Variants in VAV2 observed in about 807,000 individuals in gnomAD.
VAV2 encodes the protein guanine nucleotide exchange factor VAV2.
VAV2 carries 67 observed loss-of-function variants against 132.5 expected under a neutral mutation model. The observed-to-expected ratio is 0.51, with a 90% CI of 0.42 to 0.62. VAV2 has a LOEUF of 0.62. Among genes scored for constraint, VAV2 ranks in the 20% least tolerant of loss-of-function variants. The probability of loss-of-function intolerance (pLI) is 0.00; values close to 1 mark genes in which losing one functional copy is unlikely to be tolerated. For missense variants in VAV2, 938 were observed against 1,153.6 expected (o/e 0.81, Z 2.71); for synonymous variants, 492 against 443.5 (o/e 1.11, Z -1.37).
Position 133,918,798 on chromosome 9 carries a change from CAG to C in VAV2, c.321+20303_321+20304del, listed in dbSNP as rs1235963649. Among the ~76,000 whole-genome samples the C allele has an allele frequency of 3.9e-5, 6 of 151,974 alleles. No individual in the cohort carries two copies. Among genetic ancestry groups the C allele is most frequent in the Admixed American group, 6.6e-5 (1 of 15,244 alleles). ...GTTTGTTTGTTTGTTTGTTTTGAGA[CAG>C]AGTCTTGTTCTGTCGCCCAGGCTGA... is the stretch of plus-strand genomic sequence containing the variant. On this transcript the variant is annotated intron_variant, in intron 2 of 29. Transcript: ENST00000371850. This position sits in a 1 kb window ranked among gnomAD's most constrained non-coding sequence, Gnocchi z 4.7.
chr9:133,772,807 CGCCACGG>C (rs1833677031), intron 25 of VAV2, among the ~76,000 whole-genome samples: 3 of 152,086 alleles, frequency 2.0e-5, no homozygotes, highest in African/African-American at 7.3e-5. Flanking sequence ...ACTGTACGAA[CGCCACGG>C]AGTGCATTTA....
chr9:133,893,167 C>T (rs545194670), intron 2 of VAV2, among the ~76,000 whole-genome samples: 1 of 152,344 alleles, frequency 6.6e-6, no homozygotes, highest in South Asian at 2.1e-4. Flanking sequence ...GCGAAGACTC[C>T]TCTTGCCACC....
At position 133,826,395 on chromosome 9, in the gene VAV2, C is replaced by G. The variant is rs1835988813; in HGVS notation, c.449+7877G>C. 6.6e-6 allele frequency among the ~76,000 whole-genome samples: 1 copy of G among 152,354 alleles called. No individual in the cohort carries two copies. Among genetic ancestry groups the G allele is most frequent in the African/African-American group, 2.4e-5 (1 of 41,578 alleles). On this transcript the variant is annotated intron_variant, in intron 4 of 29. Coordinates refer to ENST00000371850, the MANE Select transcript of VAV2 (RefSeq NM_001134398.2). The surrounding 1 kb of genome is among the most constrained non-coding windows in gnomAD (Gnocchi z 4.2). ...AGGGGCAGCTCTCCCTTCAAGGATG[C>G]TCCTGCTCAGATGCTCTCTGGGGAG... is the stretch of plus-strand genomic sequence containing the variant.
intron 3 of VAV2, among the ~76,000 whole-genome samples, chr9:133,838,073 C>T (rs1257546185): frequency 6.6e-6 from 1 of 152,086 alleles, no homozygotes; most frequent in Non-Finnish European, 1.5e-5. Context: ...GCCGCTGGCG[C>T]AGGAATATGC....
At chr9:133,948,485 G>A (rs868302156) in intron 1 of VAV2, among the ~76,000 whole-genome samples, 13 of 152,266 alleles carry the variant, frequency 8.5e-5, no homozygotes, top group Admixed American at 2.0e-4. Flanking sequence ...AGGGGCAGGC[G>A]ACTGGCAGAG....
intron 3 of VAV2, among the ~76,000 whole-genome samples, chr9:133,845,625 G>T (rs1344141103): frequency 6.6e-6 from 1 of 152,218 alleles, no homozygotes; most frequent in Non-Finnish European, 1.5e-5. Context: ...TCCCTAGTGT[G>T]ACGGGGCCTC....
chr9:133,806,004 C>T, intron 9 of VAV2, 77 bp downstream of exon 9: 1 of 1,477,460 alleles, frequency 6.8e-7, no homozygotes, highest in East Asian at 2.4e-5. Context: ...GTCCCACTTA[C>T]ACAAGAGTTC....
chr9:133,881,247 G>A (rs936068283), intron 2 of VAV2, among the ~76,000 whole-genome samples: 4 of 152,276 alleles, frequency 2.6e-5, no homozygotes, highest in Non-Finnish European at 5.9e-5. Flanking sequence ...AGAGAGATGC[G>A]GCCTTCCCGC....
rs779708549 is a variant in VAV2, at chr9:133,961,019, C to T, written c.205-21800G>A. On this transcript the variant is annotated intron_variant, in intron 1 of 29. Transcript: ENST00000371850. This position sits in a 1 kb window ranked among gnomAD's most constrained non-coding sequence, Gnocchi z 4.1. ...ACAGGTCTGCCGCCTTGCAATGCGA[C>T]GCCTGCCTGGGAGCGCAGGTGAGGG... 4.6e-5 allele frequency among the ~76,000 whole-genome samples: 7 copies of T among 152,216 alleles called. No individual in the cohort carries two copies. Among genetic ancestry groups the T allele is most frequent in the South Asian group, 2.1e-4 (1 of 4,830 alleles).
At chr9:133,927,466 G>A (rs1442002212) in intron 2 of VAV2, among the ~76,000 whole-genome samples, 2 of 152,196 alleles carry the variant, frequency 1.3e-5, no homozygotes, top group Non-Finnish European at 2.9e-5. Flanking sequence ...GATTCCACGG[G>A]GCAGTCTTTT....
At chr9:133,869,214 C>CT (rs1301300336) in intron 2 of VAV2, among the ~76,000 whole-genome samples, 2 of 152,094 alleles carry the variant, frequency 1.3e-5, no homozygotes, top group African/African-American at 4.8e-5. Flanking sequence ...CCAGGCTAGT[C>CT]TAACCTCAGG....
At chr9:133,829,641 T>A (rs569512754) in intron 4 of VAV2, among the ~76,000 whole-genome samples, 16 of 150,768 alleles carry the variant, frequency 1.1e-4, no homozygotes, top group Non-Finnish European at 1.0e-4. Flanking sequence ...TAACATACAT[T>A]TTTTTTTTTA....
In VAV2 at chr9:133,857,392, G is replaced by C. The variant is rs1837424996; in HGVS notation, c.380+3982C>G. 6.6e-6 allele frequency among the ~76,000 whole-genome samples: 1 copy of C among 152,182 alleles called. No homozygotes were observed. Among genetic ancestry groups the C allele is most frequent in the South Asian group, 2.1e-4 (1 of 4,834 alleles). ...CTTAGATTAAGTCTCCAATTCATCA[G>C]CCTCTGAGAAGTATAATTGGGGCTT... On this transcript the variant is annotated intron_variant, in intron 3 of 29. Transcript: ENST00000371850. The surrounding 1 kb of genome is among the most constrained non-coding windows in gnomAD (Gnocchi z 4.0).
chr9:133,791,556 C>T (rs1834463005), intron 13 of VAV2, among the ~76,000 whole-genome samples: 1 of 150,972 alleles, frequency 6.6e-6, no homozygotes, highest in East Asian at 2.0e-4. Flanking sequence ...TCCCCCCGAG[C>T]ACAGGCAGTC....
intron 3 of VAV2, among the ~76,000 whole-genome samples, chr9:133,846,239 C>T (rs1163055422): frequency 1.3e-5 from 2 of 152,180 alleles, no homozygotes; most frequent in African/African-American, 4.8e-5. Flanking sequence ...GGCCATGCCT[C>T]GGAGAGCAGC....
chr9:133,972,788 G>A (rs909657963), intron 1 of VAV2, among the ~76,000 whole-genome samples: 2 of 152,104 alleles, frequency 1.3e-5, no homozygotes, highest in Non-Finnish European at 1.5e-5. Context: ...CAGAAATGAT[G>A]GCCCCACTTT....
intron 2 of VAV2, among the ~76,000 whole-genome samples, chr9:133,921,657 C>G (rs2132077861): frequency 6.6e-6 from 1 of 152,244 alleles, no homozygotes; most frequent in African/African-American, 2.4e-5. Context: ...GGTTAATATC[C>G]ACAATATGTA....
At chr9:133,887,479 G>A (rs942946051) in intron 2 of VAV2, among the ~76,000 whole-genome samples, 3 of 152,022 alleles carry the variant, frequency 2.0e-5, no homozygotes, top group African/African-American at 7.3e-5. Context: ...GGCCATGGTC[G>A]GATCCCACCC....
intron 2 of VAV2, among the ~76,000 whole-genome samples, chr9:133,904,294 G>C (rs2132022176): frequency 6.6e-6 from 1 of 152,344 alleles, no homozygotes. Flanking sequence ...GCTATTTCTA[G>C]ACGCTCTAAG....
Sources: allele counts gnomAD v4.1 joint callset (sites outside exome capture counted in the v4.1 genomes callset), GRCh38; gene constraint gnomAD v4.1.1; non-coding constraint Gnocchi (gnomAD v3.1); transcripts MANE v1.5; gene names NCBI Gene and HGNC (gene_info 2026-07-23, HGNC 2026-07-21).